EPG5: variants seen among roughly 807,000 people sequenced by gnomAD.
EPG5 encodes ectopic P granules protein 5 homolog.
In EPG5, 159 loss-of-function variants were observed where a neutral mutation model predicts 302.7. The observed-to-expected ratio is 0.53, with a 90% CI of 0.46 to 0.60. The LOEUF (loss-of-function observed/expected upper bound fraction) is 0.60. Ranked by LOEUF, EPG5 falls within the 20% of genes least tolerant of loss-of-function variation. The pLI is 0.00. For synonymous variants in EPG5, 1,158 were observed against 1,136.8 expected (o/e 1.02, Z -0.37); for missense variants, 2,896 against 3,092.4 (o/e 0.94, Z 1.51).
At chr18:45,954,198 T>C (rs62095414) in intron 2 of EPG5, among the ~76,000 whole-genome samples, 196 bp downstream of exon 2, 248 of 152,322 alleles carry the variant, frequency 1.6e-3, no homozygotes, top group Non-Finnish European at 2.7e-3. Context: ...CCAGTGACCA[T>C]TGTCCCACTC....
intron 25 of EPG5, among the ~76,000 whole-genome samples, chr18:45,902,312 C>T (rs1304868626): frequency 6.6e-6 from 1 of 152,212 alleles, no homozygotes; most frequent in African/African-American, 2.4e-5. Flanking sequence ...CTAGAACTAA[C>T]TACTCTTTGC....
At chr18:45,870,843 A>C in intron 35 of EPG5, 101 bp from the exon 36 acceptor site, 12 of 980,820 alleles carry the variant, frequency 1.2e-5, no homozygotes, top group Admixed American at 2.8e-5. Context: ...TAAGGTTCTC[A>C]TGATTGACCC....
In EPG5 at chr18:45,916,034, T is replaced by C. The variant is rs529882920; in HGVS notation, c.3557A>G (p.Gln1186Arg). The C allele has an allele frequency of 1.2e-6, 2 of 1,613,310 alleles. No individual in the cohort carries two copies. Among genetic ancestry groups the C allele is most frequent in the South Asian group, 2.2e-5 (2 of 91,004 alleles). The change falls in exon 19 of 44, where the codon CAG (glutamine) becomes CGG (arginine). Residue 1186 changes from glutamine (Q) to arginine (R), a missense_variant. Around this residue, in one of 5 missense-constraint regions of EPG5, gnomAD observed 1,390 missense variants for 1,430.0 expected, o/e 0.97. Coordinates refer to ENST00000282041, the MANE Select transcript of EPG5 (RefSeq NM_020964.3). Reference protein sequence around the residue: ...AFQLMQEDCIQKLLYQQHKNA... With the variant: ...AFQLMQEDCIRKLLYQQHKNA... ...CTTATGTTGTTGGTAGAGTAATTTC[T>C]GTATGCAGTCTTCCTGCATCAGCTG...
chr18:45,902,278 T>A (rs1473248876), intron 25 of EPG5, among the ~76,000 whole-genome samples: 3 of 152,208 alleles, frequency 2.0e-5, no homozygotes. Flanking sequence ...TACAGCACTA[T>A]CCCTTATAGT....
downstream of EPG5, among the ~76,000 whole-genome samples, chr18:45,846,295 C>T (rs1028278823): frequency 3.3e-5 from 5 of 151,908 alleles, no homozygotes; most frequent in East Asian, 5.8e-4. Context: ...CCGAGGTGGG[C>T]GGATCACCTG....
At chr18:45,914,972 A>T (rs1193753058) in intron 20 of EPG5, among the ~76,000 whole-genome samples, 55 of 5,142 alleles carry the variant, frequency 0.011, no homozygotes, top group African/African-American at 0.097. Context: ...TTTTAATTTA[A>T]AAAAAAAAAA....
At chr18:45,935,567 G>A (rs567171805) in intron 10 of EPG5, among the ~76,000 whole-genome samples, 27 of 151,884 alleles carry the variant, frequency 1.8e-4, no homozygotes, top group Non-Finnish European at 2.6e-4. Context: ...TTATTATTAC[G>A]GATATTAGCA....
intron 35 of EPG5, 44 bp from the exon 36 acceptor site, chr18:45,870,786 C>CT (rs769511578): frequency 1.3e-5 from 14 of 1,048,140 alleles, no homozygotes; most frequent in Non-Finnish European, 1.8e-5. Flanking sequence ...TTTGGTTTAC[C>CT]TTAAAAAAAA....
chr18:45,857,513 G>A (rs1013907282), intron 42 of EPG5, among the ~76,000 whole-genome samples: 10 of 152,094 alleles, frequency 6.6e-5, no homozygotes, highest in African/African-American at 2.4e-4. Flanking sequence ...AGCTGACTTG[G>A]CTTTTAAACT....
intron 1 of EPG5, among the ~76,000 whole-genome samples, chr18:45,956,218 G>C (rs960224001): frequency 3.9e-5 from 6 of 152,078 alleles, no homozygotes; most frequent in African/African-American, 1.4e-4. Flanking sequence ...CTAATCATGA[G>C]AAAACATCAG....
chr18:45,951,096 C>A lies in EPG5; in HGVS notation c.1389+6G>T. ...AAGACTACTGTGTCTATCTCTGTCCCCTTACCAATTTCTGCAGCCAGAGAA... is the reference window on the plus strand; with the variant it reads ...AAGACTACTGTGTCTATCTCTGTCCACTTACCAATTTCTGCAGCCAGAGAA... On this transcript the variant is annotated splice_donor_region_variant and intron_variant, in intron 4 of 43. Coordinates refer to ENST00000282041, the MANE Select transcript of EPG5 (RefSeq NM_020964.3). 1 of 1,564,178 alleles carries A rather than the reference C, an allele frequency of 6.4e-7. No individual in the cohort carries two copies. The highest frequency in any genetic ancestry group is 8.6e-7 in the Non-Finnish European group (1 of 1,157,680).
chr18:45,876,062 GAA>G (rs372969523), intron 35 of EPG5, among the ~76,000 whole-genome samples, 172 bp downstream of exon 35: 18 of 91,784 alleles, frequency 2.0e-4, no homozygotes, highest in Admixed American at 8.9e-4. Flanking sequence ...ATCTCCAAAA[GAA>G]AAAAAAAAAA....
the EPG5 span, chr18:45,829,215 C>A: frequency 1.1e-6 from 1 of 932,058 alleles, no homozygotes; most frequent in Non-Finnish European, 1.3e-6. Flanking sequence ...CCACAGTCAG[C>A]CTGCGGCAGA....
chr18:45,950,358 G>A (rs2050879351), intron 4 of EPG5, among the ~76,000 whole-genome samples: 1 of 152,124 alleles, frequency 6.6e-6, no homozygotes, highest in Non-Finnish European at 1.5e-5. Context: ...CCAGTGGGAG[G>A]TAACTGAATC....
intron 39 of EPG5, among the ~76,000 whole-genome samples, chr18:45,865,377 C>CATTAGATCCCATTGTCCATATCTCT (rs1568101308): frequency 3.9e-5 from 6 of 152,000 alleles, no homozygotes; most frequent in Non-Finnish European, 8.8e-5. Context: ...CTGATATCTC[C>CATTAGATCCCATTGTCCATATCTCT]TAATCATTAG....
chr18:45,876,382 G>T, intron 34 of EPG5, 40 bp from the exon 35 acceptor site: 1 of 1,523,058 alleles, frequency 6.6e-7, no homozygotes, highest in Non-Finnish European at 9.1e-7. Context: ...ATGCAACCGT[G>T]ATTAAAATAC....
chr18:45,926,464 A>C (rs188777905), intron 13 of EPG5, among the ~76,000 whole-genome samples: 64 of 152,274 alleles, frequency 4.2e-4, no homozygotes, highest in African/African-American at 1.5e-3. Context: ...ACAATAAAAA[A>C]TTTTTAAATC....
intron 22 of EPG5, among the ~76,000 whole-genome samples, chr18:45,911,273 G>A (rs1406450545): frequency 2.7e-5 from 4 of 148,184 alleles, no homozygotes; most frequent in East Asian, 2.0e-4. Context: ...ACAAGCATGC[G>A]CCACTGCGCT....
intron 36 of EPG5, 130 bp downstream of exon 36, chr18:45,870,437 G>A (rs546794074): frequency 1.4e-4 from 94 of 657,916 alleles, no homozygotes; most frequent in African/African-American, 1.3e-3. Context: ...AGGCACCACC[G>A]AGGCAACACA....
Sources: allele counts gnomAD v4.1 joint callset (sites outside exome capture counted in the v4.1 genomes callset), GRCh38; gene constraint gnomAD v4.1.1; regional missense constraint gnomAD v4.1.1; transcripts MANE v1.5; gene names NCBI Gene and HGNC (gene_info 2026-07-23, HGNC 2026-07-21).